The following MLXIP variants were observed in gnomAD, a reference collection of about 807,000 sequenced individuals.
MLXIP encodes MLX-interacting protein.
Under a neutral mutation model 87.2 loss-of-function variants are expected in MLXIP, and 30 were observed. The ratio of observed to expected loss-of-function variants is 0.34; its 90% CI spans 0.26 to 0.47. The LOEUF is 0.47. MLXIP is among the 20% of genes least tolerant of loss of function. The pLI, the probability that MLXIP is intolerant of heterozygous loss-of-function variation, is 1.00. For missense variants in MLXIP, 1,002 were observed against 1,240.1 expected (o/e 0.81, Z 2.88); for synonymous variants, 530 against 514.0 (o/e 1.03, Z -0.42).
At chr12:122,124,619 C>A (rs1952849764) in intron 1 of MLXIP, among the ~76,000 whole-genome samples, 1 of 151,014 alleles carries the variant, frequency 6.6e-6, no homozygotes, top group Non-Finnish European at 1.5e-5. Flanking sequence ...AGAGGAACCA[C>A]ATGGCAATAT....
intron 14 of MLXIP, 68 bp from the exon 15 acceptor site, chr12:122,138,747 A>G (rs1266997535): frequency 8.9e-6 from 14 of 1,580,228 alleles, no homozygotes; most frequent in Non-Finnish European, 1.2e-5. Context: ...CAGCCCTGCC[A>G]TCTTTTGTCC....
intron 1 of MLXIP, among the ~76,000 whole-genome samples, chr12:122,094,458 G>GGT (rs1248930075): frequency 6.0e-5 from 8 of 133,304 alleles, no homozygotes; most frequent in Admixed American, 1.5e-4. Context: ...GTGTGGTATT[G>GGT]GTGTGTGTGT....
chr12:122,088,737 T>C (rs1399290755), intron 1 of MLXIP, among the ~76,000 whole-genome samples: 1 of 152,040 alleles, frequency 6.6e-6, no homozygotes, highest in Non-Finnish European at 1.5e-5. Context: ...GGCCTGTCGG[T>C]GGGGAAGGAG....
chr12:122,139,841 T>G (rs748212976), intron 15 of MLXIP, among the ~76,000 whole-genome samples: 10 of 152,030 alleles, frequency 6.6e-5, no homozygotes, highest in Non-Finnish European at 1.3e-4. Context: ...GCCCGGCTAA[T>G]TTTTGTATTT....
chr12:122,109,883 TC>T (rs1205498383), intron 1 of MLXIP, among the ~76,000 whole-genome samples: 3 of 152,210 alleles, frequency 2.0e-5, no homozygotes, highest in Admixed American at 2.0e-4. Flanking sequence ...ACAAAGTTGT[TC>T]GTATGCTTTT....
intron 15 of MLXIP, among the ~76,000 whole-genome samples, chr12:122,139,997 G>T (rs1953168680): frequency 6.6e-6 from 1 of 152,078 alleles, no homozygotes; most frequent in African/African-American, 2.4e-5. Context: ...TTTAATTGAA[G>T]AGATGACAGG....
chr12:122,123,298 G>T (rs1952813885), intron 1 of MLXIP, among the ~76,000 whole-genome samples: 2 of 152,318 alleles, frequency 1.3e-5, no homozygotes, highest in Non-Finnish European at 2.9e-5. Flanking sequence ...GGGGGTGCAG[G>T]CCGTCGACCC....
rs960159920 is a variant in MLXIP, at chr12:122,142,271, C to T, written c.*459C>T. The stretch of plus-strand genomic sequence containing the variant: ...CTGATGCCCTGCTCCACTCTCTGGT[C>T]TGCCCGTGGGGCAGTTGGAAGGCGT... On this transcript the variant is annotated 3_prime_UTR_variant, in exon 17 of 17. Coordinates refer to ENST00000319080, the MANE Select transcript of MLXIP (RefSeq NM_014938.6). 1 of 694,240 alleles carries T rather than the reference C, an allele frequency of 1.4e-6. No homozygotes were observed. The highest frequency in any genetic ancestry group is 1.8e-5 in the African/African-American group (1 of 57,132). 43.0% of individuals were successfully genotyped at this position (694,240 alleles called of 1,614,324 possible). A position where few individuals can be genotyped will look rare whatever the true frequency, so the allele number is the denominator to read the frequency against.
intron 1 of MLXIP, among the ~76,000 whole-genome samples, chr12:122,120,501 C>T (rs747671520): frequency 6.6e-6 from 1 of 152,164 alleles, no homozygotes; most frequent in Non-Finnish European, 1.5e-5. Flanking sequence ...GCTGGGATTA[C>T]AAGTGGGGAA....
rs78930926 is a variant in MLXIP, at chr12:122,146,106, G to C, written c.*4294G>C. 7,767 of 152,468 alleles carry C rather than the reference G, an allele frequency of 0.051. 263 individuals are homozygous for C. Among genetic ancestry groups the C allele is most frequent in the Non-Finnish European group, 0.076 (5,158 of 68,148 alleles). 9.4% of individuals were successfully genotyped at this position (152,468 alleles called of 1,614,324 possible). A position where few individuals can be genotyped will look rare whatever the true frequency, so the allele number is the denominator to read the frequency against. On this transcript the variant is annotated 3_prime_UTR_variant, in exon 17 of 17. Transcript: ENST00000319080. ...GTTTCCTTGGGGAAGGGAAAGGAGG[G>C]CTGGACAGCACTGATCCGGGCAGGC... is the stretch of plus-strand genomic sequence containing the variant.
At chr12:122,128,109 C>A in intron 3 of MLXIP, 141 bp downstream of exon 3, 1 of 730,434 alleles carries the variant, frequency 1.4e-6, no homozygotes, top group Non-Finnish European at 2.3e-6. Flanking sequence ...GCCCTGGGGG[C>A]CAGGCCTGGG....
intron 1 of MLXIP, among the ~76,000 whole-genome samples, chr12:122,095,208 GGT>G (rs1277728719): frequency 7.1e-4 from 102 of 144,408 alleles, no homozygotes; most frequent in Non-Finnish European, 1.4e-3. Flanking sequence ...GTGGTGTGTT[GGT>G]GTGTGTGTTG....
chr12:122,126,326 G>A (rs1248973385), intron 1 of MLXIP, among the ~76,000 whole-genome samples: 1 of 152,234 alleles, frequency 6.6e-6, no homozygotes, highest in Non-Finnish European at 1.5e-5. Context: ...AGGTGCTTGT[G>A]TGCAGACACT....
At chr12:122,090,293 C>G (rs1382921735) in intron 1 of MLXIP, among the ~76,000 whole-genome samples, 1 of 152,020 alleles carries the variant, frequency 6.6e-6, no homozygotes, top group African/African-American at 2.4e-5. Context: ...GTCAGGAGTT[C>G]GAGACCAGCC....
At chr12:122,092,742 A>G (rs931492073) in intron 1 of MLXIP, among the ~76,000 whole-genome samples, 24,691 of 152,156 alleles carry the variant, frequency 0.16, 2,455 homozygotes, top group East Asian at 0.26. Flanking sequence ...GGGGAAAGGG[A>G]CAATACTTTG....
chr12:122,138,744 G>C, intron 14 of MLXIP, 71 bp from the exon 15 acceptor site: 5 of 1,575,342 alleles, frequency 3.2e-6, no homozygotes, highest in Non-Finnish European at 4.3e-6. Flanking sequence ...GGCCAGCCCT[G>C]CCATCTTTTG....
At chr12:122,099,504 C>T (rs1006829140) in intron 1 of MLXIP, among the ~76,000 whole-genome samples, 4 of 152,260 alleles carry the variant, frequency 2.6e-5, no homozygotes, top group Non-Finnish European at 5.9e-5. Flanking sequence ...CATGAGACCG[C>T]CTGCTGTGGT....
chr12:122,099,720 A>G lies in MLXIP; in HGVS notation c.413+20454A>G, dbSNP rs145059576. 3.0e-3 allele frequency among the ~76,000 whole-genome samples: 457 copies of G among 152,162 alleles called. 6 individuals carry two copies. The highest frequency in any genetic ancestry group is 0.023 in the East Asian group (118 of 5,184). On this transcript the variant is annotated intron_variant, in intron 1 of 16. Transcript: ENST00000319080. ...ATGCCAACTTAGGTTGCATTGTCCTACCTCTGCGCCTCCTTGGTTTCCTAT... is the reference window on the plus strand; with the variant it reads ...ATGCCAACTTAGGTTGCATTGTCCTGCCTCTGCGCCTCCTTGGTTTCCTAT...
At chr12:122,118,260 T>C (rs1291725240) in intron 1 of MLXIP, among the ~76,000 whole-genome samples, 1 of 118,170 alleles carries the variant, frequency 8.5e-6, no homozygotes, top group African/African-American at 3.1e-5. Context: ...TTAGGATTTA[T>C]AGATTGTTTA....
Sources: allele counts gnomAD v4.1 joint callset (sites outside exome capture counted in the v4.1 genomes callset), GRCh38; gene constraint gnomAD v4.1.1; transcripts MANE v1.5; gene names NCBI Gene and HGNC (gene_info 2026-07-23, HGNC 2026-07-21).